MYO9A: variants seen among roughly 807,000 people sequenced by gnomAD.
The protein encoded by MYO9A is unconventional myosin-IXa.
A neutral mutation model predicts 293.3 loss-of-function variants in MYO9A; 103 were observed. The ratio of observed to expected loss-of-function variants is 0.35; its 90% CI spans 0.30 to 0.41. The LOEUF (loss-of-function observed/expected upper bound fraction) is 0.41, where lower values mean the gene tolerates loss of function less well. MYO9A is among the 10% of genes least tolerant of loss of function. The pLI is 1.00. For synonymous variants in MYO9A, 1,001 were observed against 1,035.7 expected (o/e 0.97, Z 0.64); for missense variants, 2,685 against 3,033.0 (o/e 0.89, Z 2.69).
intron 1 of MYO9A, among the ~76,000 whole-genome samples, chr15:72,083,529 T>C (rs551994336): frequency 2.0e-4 from 31 of 152,344 alleles, no homozygotes; most frequent in African/African-American, 6.3e-4. Flanking sequence ...ATTTTGGTTA[T>C]TTCTTGTATG....
intron 32 of MYO9A, among the ~76,000 whole-genome samples, 162 bp downstream of exon 32, chr15:71,875,629 C>G (rs1206138406): frequency 6.6e-6 from 1 of 152,112 alleles, no homozygotes; most frequent in Non-Finnish European, 1.5e-5. Context: ...AGTCCAGTCA[C>G]ATCTAATCAT....
intron 7 of MYO9A, 144 bp from the exon 8 acceptor site, chr15:72,008,096 A>C: frequency 9.8e-7 from 1 of 1,017,338 alleles, no homozygotes; most frequent in South Asian, 1.8e-5. Flanking sequence ...TAATTACTAA[A>C]ATTTACTGAG....
At chr15:72,114,654 T>A (rs539324267) in intron 1 of MYO9A, 1 of 152,314 alleles carries the variant, frequency 6.6e-6, no homozygotes, top group South Asian at 2.1e-4. Context: ...TCCTAAATGT[T>A]TGGATTGAAG....
upstream of MYO9A, chr15:72,118,180 A>G (rs1354700079): frequency 8.3e-6 from 3 of 362,578 alleles, no homozygotes; most frequent in African/African-American, 2.1e-5. Flanking sequence ...TACTGCCAGC[A>G]CGGGTCGGCC....
At chr15:71,943,107 T>C (rs1315069257) in intron 15 of MYO9A, among the ~76,000 whole-genome samples, 1 of 152,032 alleles carries the variant, frequency 6.6e-6, no homozygotes, top group African/African-American at 2.4e-5. Context: ...GTAAACCATT[T>C]ATATTAATTT....
intron 32 of MYO9A, among the ~76,000 whole-genome samples, chr15:71,865,162 C>G (rs143079824): frequency 2.0e-5 from 3 of 152,126 alleles, no homozygotes; most frequent in African/African-American, 4.8e-5. Flanking sequence ...CATTAGAAAA[C>G]TTGGCAGATA....
intron 18 of MYO9A, among the ~76,000 whole-genome samples, chr15:71,925,490 G>A (rs2058288338): frequency 6.6e-6 from 1 of 151,178 alleles, no homozygotes; most frequent in African/African-American, 2.4e-5. Flanking sequence ...CTATTTATCT[G>A]TCTGTTTTGG....
intron 2 of MYO9A, among the ~76,000 whole-genome samples, chr15:72,044,720 A>G (rs370561966): frequency 9.8e-5 from 15 of 152,298 alleles, no homozygotes; most frequent in African/African-American, 3.6e-4. Flanking sequence ...TATTCTCTAC[A>G]TTATTACAAG....
At chr15:71,883,984 A>G (rs142955671) in intron 27 of MYO9A, among the ~76,000 whole-genome samples, 9 of 152,160 alleles carry the variant, frequency 5.9e-5, no homozygotes, top group Admixed American at 4.6e-4. Flanking sequence ...GAATACAGAA[A>G]TAACAAAACC....
intron 39 of MYO9A, among the ~76,000 whole-genome samples, chr15:71,837,523 T>C (rs749443597): frequency 2.6e-5 from 4 of 152,124 alleles, no homozygotes; most frequent in African/African-American, 4.8e-5. Flanking sequence ...TTATTCCTAG[T>C]GTCCACATTC....
intron 18 of MYO9A, among the ~76,000 whole-genome samples, chr15:71,925,128 T>C (rs973542922): frequency 6.6e-5 from 9 of 136,552 alleles, no homozygotes; most frequent in Non-Finnish European, 9.6e-5. Context: ...CTCTCTCCCT[T>C]TAGGGCTAAT....
chr15:72,091,197 C>G (rs1176518355), intron 1 of MYO9A, among the ~76,000 whole-genome samples: 2 of 127,976 alleles, frequency 1.6e-5, no homozygotes, highest in African/African-American at 5.7e-5. Flanking sequence ...AGATCTGTCT[C>G]AAAAAAAAAA....
chr15:71,870,205 TAAA>T (rs1481620584), intron 32 of MYO9A, among the ~76,000 whole-genome samples: 1 of 150,484 alleles, frequency 6.6e-6, no homozygotes, highest in Non-Finnish European at 1.5e-5. Flanking sequence ...ACTTTCATGG[TAAA>T]AGTGGTTAAA....
intron 32 of MYO9A, among the ~76,000 whole-genome samples, chr15:71,863,335 A>G (rs974211691): frequency 6.6e-6 from 1 of 152,024 alleles, no homozygotes; most frequent in Non-Finnish European, 1.5e-5. Flanking sequence ...GTTAATATTT[A>G]CTATGCTAGC....
chr15:71,894,551 C>T (rs1010593321), intron 25 of MYO9A, among the ~76,000 whole-genome samples: 2 of 152,112 alleles, frequency 1.3e-5, no homozygotes, highest in African/African-American at 4.8e-5. Flanking sequence ...CACACTCTAG[C>T]TTGGGTGACA....
At chr15:71,877,425 TTAACTA>T (rs2056728723) in intron 31 of MYO9A, among the ~76,000 whole-genome samples, 1 of 152,172 alleles carries the variant, frequency 6.6e-6, no homozygotes, top group Non-Finnish European at 1.5e-5. Flanking sequence ...AATCACATCT[TTAACTA>T]TAATTTTTCA....
chr15:72,036,656 A>C (rs4777480), intron 2 of MYO9A: 33,207 of 151,968 alleles, frequency 0.22, 3,859 homozygotes, highest in East Asian at 0.41. Flanking sequence ...AATTTGACTT[A>C]TCTGGCATTT....
chr15:71,848,286 T>C (rs1232739123), intron 39 of MYO9A, among the ~76,000 whole-genome samples: 1 of 151,774 alleles, frequency 6.6e-6, no homozygotes, highest in East Asian at 2.0e-4. Context: ...TATTAAAAAG[T>C]GGGCAAACCA....
chr15:71,891,374 AC>A (rs1477685914), intron 26 of MYO9A: 2 of 152,218 alleles, frequency 1.3e-5, no homozygotes, highest in Non-Finnish European at 2.9e-5. Flanking sequence ...GAAGTCTATC[AC>A]CAAAAGGACT....
Sources: gnomAD v4.1 joint callset for allele counts (sites outside exome capture counted in the v4.1 genomes callset) on GRCh38, gnomAD v4.1.1 for gene constraint, MANE v1.5 for transcripts, NCBI Gene and HGNC (gene_info 2026-07-23, HGNC 2026-07-21) for gene names.